Variants in NCKAP5L observed in about 807,000 individuals in gnomAD.
NCKAP5L encodes the protein NCK associated protein 5 like, also known as nck-associated protein 5-like.
NCKAP5L carries 54 observed loss-of-function variants against 103.2 expected under a neutral mutation model. That is an observed-to-expected ratio of 0.52 (90% CI 0.42 to 0.66). The LOEUF is 0.66. Among genes scored for constraint, NCKAP5L ranks in the 30% least tolerant of loss-of-function variants. The probability of loss-of-function intolerance (pLI) is 0.00; values close to 1 mark genes in which losing one functional copy is unlikely to be tolerated. For missense variants in NCKAP5L, 1,733 were observed against 1,750.6 expected (o/e 0.99, Z 0.18); for synonymous variants, 762 against 748.6 (o/e 1.02, Z -0.29).
chr12:49,806,425 A>G (rs1369847373), intron 1 of NCKAP5L, among the ~76,000 whole-genome samples: 1 of 152,258 alleles, frequency 6.6e-6, no homozygotes, highest in Non-Finnish European at 1.5e-5. Context: ...AACCACAACA[A>G]TGTTAAATGC....
intron 1 of NCKAP5L, among the ~76,000 whole-genome samples, chr12:49,823,942 C>T (rs1001962871): frequency 1.3e-5 from 2 of 152,212 alleles, no homozygotes; most frequent in African/African-American, 4.8e-5. Flanking sequence ...AGGATTTCCC[C>T]TCACAGAGAA....
Position 49,797,528 on chromosome 12 carries a change from G to A in NCKAP5L, c.466-134C>T. On this transcript the variant is annotated intron_variant, in intron 7 of 12. Coordinates refer to ENST00000335999, the MANE Select transcript of NCKAP5L (RefSeq NM_001037806.4). The surrounding 1 kb of genome is among the most constrained non-coding windows in gnomAD (Gnocchi z 4.5). The stretch of plus-strand genomic sequence containing the variant: ...CTGGTTGTGTCTGTGTCCCCAAAAG[G>A]AATTAACAGCAACTGGGATATGATG... 1.5e-6 allele frequency: 1 copy of A among 665,400 alleles called. No individual in the cohort carries two copies. The highest frequency in any genetic ancestry group is 2.5e-6 in the Non-Finnish European group (1 of 394,554). The allele number at this position is 665,400 out of a possible 1,614,324, so 41.2% of individuals were successfully genotyped here.
intron 1 of NCKAP5L, among the ~76,000 whole-genome samples, chr12:49,823,934 G>T (rs1222477703): frequency 6.6e-6 from 1 of 152,218 alleles, no homozygotes; most frequent in Non-Finnish European, 1.5e-5. Flanking sequence ...CAAGGAGAAG[G>T]ATTTCCCCTC....
intron 5 of NCKAP5L, chr12:49,802,257 CTT>C: frequency 1.9e-5 from 5 of 259,196 alleles, no homozygotes; most frequent in Admixed American, 5.2e-5. Flanking sequence ...CTCTTTTTTT[CTT>C]TTTTTTTTGA....
Position 49,796,937 on chromosome 12 carries a change from G to A in NCKAP5L, c.923C>T (p.Pro308Leu), listed in dbSNP as rs1946058630. 1 of 1,606,268 alleles carries A rather than the reference G, an allele frequency of 6.2e-7. No homozygotes were observed. The highest frequency in any genetic ancestry group is 1.3e-5 in the African/African-American group (1 of 74,818). ...SSSSSDEAGD[P>L]NEAPSPDTLL... ...GGTGTCGGGGCTGGGTGCCTCATTGGGGTCACCTGCCTCATCAGAAGAGGA... is the reference window on the plus strand; with the variant it reads ...GGTGTCGGGGCTGGGTGCCTCATTGAGGTCACCTGCCTCATCAGAAGAGGA... Residue 308 changes from proline to leucine, a missense_variant, in exon 8 of 13, where the codon CCC becomes CTC. Pro to Leu is a moderately conservative substitution (Grantham distance 98, BLOSUM62 -3). Coordinates refer to ENST00000335999, the MANE Select transcript of NCKAP5L (RefSeq NM_001037806.4).
chr12:49,792,364 T>C lies in NCKAP5L; in HGVS notation c.3792+82A>G. 1.9e-6 allele frequency: 3 copies of C among 1,572,296 alleles called. No homozygotes were observed. The highest frequency in any genetic ancestry group is 2.6e-6 in the Non-Finnish European group (3 of 1,159,282). On this transcript the variant is annotated intron_variant, in intron 12 of 12. Transcript: ENST00000335999. The surrounding 1 kb of genome is among the most constrained non-coding windows in gnomAD (Gnocchi z 4.5). ...CTGAGACTGTGCGACACACAGGCCG[T>C]ACCTTACTGGAGAAACTGGTCTCCC...
rs1263631386 is a variant in NCKAP5L, at chr12:49,791,792, A to G, written c.*47T>C. On this transcript the variant is annotated 3_prime_UTR_variant, in exon 13 of 13. Coordinates refer to ENST00000335999, the MANE Select transcript of NCKAP5L (RefSeq NM_001037806.4). Reference sequence around the variant, plus strand: ...GGCTGGGCATGAAGAGAGCCGGTCCAGTCTGTGGTCCCCAGCTCCAGCGGG... The same window carrying G: ...GGCTGGGCATGAAGAGAGCCGGTCCGGTCTGTGGTCCCCAGCTCCAGCGGG... 3 of 1,474,238 alleles carry G rather than the reference A, an allele frequency of 2.0e-6. No individual in the cohort carries two copies. The highest frequency in any genetic ancestry group is 2.8e-5 in the African/African-American group (2 of 71,380). The allele number at this position is 1,474,238 out of a possible 1,614,324, so 91.3% of individuals were successfully genotyped here.
Position 49,796,809 on chromosome 12 carries a change from T to C in NCKAP5L, c.1051A>G (p.Asn351Asp), listed in dbSNP as rs2137002059. ...TGCCCAGGACCTGGGTGGTCCCCAT[T>C]GAGTGGGCCTGCAGCCCCGGCCAGG... ...AFLAGAAGPL[N>D]GDHPGPGQSS... Residue 351 changes from asparagine to aspartate, a missense_variant, in exon 8 of 13, where the codon AAT (asparagine) becomes GAT (aspartate). By Grantham distance (23) the Asn-to-Asp change is conservative. Transcript: ENST00000335999. 6.2e-7 allele frequency: 1 copy of C among 1,613,478 alleles called. No individual in the cohort carries two copies. The highest frequency in any genetic ancestry group is 1.3e-5 in the African/African-American group (1 of 75,026).
chr12:49,809,914 G>A (rs1444444906), intron 1 of NCKAP5L, among the ~76,000 whole-genome samples: 2 of 151,990 alleles, frequency 1.3e-5, no homozygotes, highest in Admixed American at 6.6e-5. Context: ...CTTCTGAGAG[G>A]CATCTGTCTT....
At position 49,796,442 on chromosome 12, in the gene NCKAP5L, C is replaced by A. The variant is rs1457789596; in HGVS notation, c.1418G>T (p.Gly473Val). 1 of 1,540,974 alleles carries A rather than the reference C, an allele frequency of 6.5e-7. No homozygotes were observed. Among genetic ancestry groups the A allele is most frequent in the Admixed American group, 2.1e-5 (1 of 48,486 alleles). ...GGGGAGCTGGGGACTGAGCTGCGGG[C>A]CTCCTGGGCTGGGGCTCTTCTCCGA... is the stretch of plus-strand genomic sequence containing the variant. ...PTSEKSPSPG[G>V]PQLSPQLPRN... Residue 473 changes from glycine to valine, a missense_variant, in exon 8 of 13, where the codon GGC becomes GTC. By Grantham distance (109) the Gly-to-Val change is moderately radical (BLOSUM62 -3). Coordinates refer to ENST00000335999, the MANE Select transcript of NCKAP5L (RefSeq NM_001037806.4).
At chr12:49,809,693 GC>G (rs1327604351) in intron 1 of NCKAP5L, among the ~76,000 whole-genome samples, 3 of 152,140 alleles carry the variant, frequency 2.0e-5, no homozygotes, top group Non-Finnish European at 2.9e-5. Flanking sequence ...GCCAAGATCA[GC>G]CCTGGGCTGC....
rs368575890 is a variant in NCKAP5L, at chr12:49,792,689, G to T, written c.3638C>A (p.Thr1213Asn). The change falls in exon 11 of 13, where the codon ACC (threonine) becomes AAC (asparagine). Residue 1213 changes from threonine (T) to asparagine (N), a missense_variant. Physicochemically the swap from Thr to Asn is moderately conservative, Grantham distance 65. Coordinates refer to ENST00000335999, the MANE Select transcript of NCKAP5L (RefSeq NM_001037806.4). The surrounding 1 kb of genome is among the most constrained non-coding windows in gnomAD (Gnocchi z 4.5). ...ACCTGGACACTCACCATCAGGACAGGTCTCATGGCCCCGGTGGCCCGGAGC... is the reference window on the plus strand; with the variant it reads ...ACCTGGACACTCACCATCAGGACAGTTCTCATGGCCCCGGTGGCCCGGAGC... ...PAAPGHRGHETCPDDPCEDPG... is the reference protein window; with the variant it reads ...PAAPGHRGHENCPDDPCEDPG... 2.7e-5 allele frequency: 44 copies of T among 1,612,496 alleles called. 1 individual carries two copies. The highest frequency in any genetic ancestry group is 2.8e-5 in the Non-Finnish European group (33 of 1,179,506).
At chr12:49,802,257 CT>C (rs1225169958) in intron 5 of NCKAP5L, 1,472 of 256,848 alleles carry the variant, frequency 5.7e-3, no homozygotes, top group South Asian at 0.011. Flanking sequence ...CTCTTTTTTT[CT>C]TTTTTTTTTG....
At position 49,791,542 on chromosome 12, in the gene NCKAP5L, A is replaced by C; in HGVS notation, c.*297T>G. 1 of 281,502 alleles carries C rather than the reference A, an allele frequency of 3.6e-6. No individual in the cohort carries two copies. 17.4% of individuals were successfully genotyped at this position (281,502 alleles called of 1,614,324 possible). On this transcript the variant is annotated 3_prime_UTR_variant, in exon 13 of 13. Coordinates refer to ENST00000335999, the MANE Select transcript of NCKAP5L (RefSeq NM_001037806.4). ...ACCACAAGATGGCTCAGCCTGAAGT[A>C]GGGACTGGAGGGCTGCGACACAGTG...
At chr12:49,817,742 T>C (rs1946314590) in intron 1 of NCKAP5L, among the ~76,000 whole-genome samples, 1 of 152,126 alleles carries the variant, frequency 6.6e-6, no homozygotes, top group African/African-American at 2.4e-5. Context: ...TAGTAATTAG[T>C]GTTGAGAAAA....
intron 1 of NCKAP5L, among the ~76,000 whole-genome samples, chr12:49,817,350 C>T (rs1946310027): frequency 6.6e-6 from 1 of 152,084 alleles, no homozygotes; most frequent in South Asian, 2.1e-4. Flanking sequence ...CAAAGCAATA[C>T]ATCTCACAAA....
At chr12:49,800,256 A>C (rs777200329) in intron 6 of NCKAP5L, among the ~76,000 whole-genome samples, 5 of 152,158 alleles carry the variant, frequency 3.3e-5, no homozygotes, top group Non-Finnish European at 5.9e-5. Context: ...TCCTTCTCTG[A>C]TGGCCTCCCC....
In NCKAP5L at chr12:49,792,266, G is replaced by C; in HGVS notation, c.3792+180C>G. On this transcript the variant is annotated intron_variant, in intron 12 of 12. Transcript: ENST00000335999. This position sits in a 1 kb window ranked among gnomAD's most constrained non-coding sequence, Gnocchi z 4.5. Reference sequence around the variant, plus strand: ...GGGACAGAAACCTTTCCCCACGAGAGAAGTGCAAGGAGGGCAGTGGGGAGG... The same window carrying C: ...GGGACAGAAACCTTTCCCCACGAGACAAGTGCAAGGAGGGCAGTGGGGAGG... The C allele has an allele frequency of 2.3e-6, 3 of 1,284,394 alleles. No individual in the cohort carries two copies. The highest frequency in any genetic ancestry group is 1.8e-4 in the Middle Eastern group (1 of 5,482). 79.6% of individuals were successfully genotyped at this position (1,284,394 alleles called of 1,614,324 possible). A position where few individuals can be genotyped will look rare whatever the true frequency, so the allele number is the denominator to read the frequency against.
rs755203588 is a variant in NCKAP5L at position 49,795,384 on chromosome 12, C to A, written c.2476G>T (p.Val826Leu). Residue 826 changes from valine (V) to leucine (L), a missense_variant, in exon 8 of 13, where the codon GTG (valine) becomes TTG (leucine). By Grantham distance (32) the Val-to-Leu change is conservative. Coordinates refer to ENST00000335999, the MANE Select transcript of NCKAP5L (RefSeq NM_001037806.4). Reference protein sequence around the residue: ...TKLPSKSPTKVVPRPGAPLVT... With the variant: ...TKLPSKSPTKLVPRPGAPLVT... ...AGCGGAGCCCCAGGTCGAGGCACCACCTTGGTTGGTGACTTGGAAGGGAGC... is the reference window on the plus strand; with the variant it reads ...AGCGGAGCCCCAGGTCGAGGCACCAACTTGGTTGGTGACTTGGAAGGGAGC... 5.7e-6 allele frequency: 9 copies of A among 1,569,918 alleles called. No homozygotes were observed. The highest frequency in any genetic ancestry group is 3.9e-5 in the Admixed American group (2 of 50,936).
Sources: gnomAD v4.1 joint callset for allele counts (sites outside exome capture counted in the v4.1 genomes callset) on GRCh38, gnomAD v4.1.1 for gene constraint, Gnocchi (gnomAD v3.1) non-coding constraint, MANE v1.5 for transcripts, NCBI Gene and HGNC (gene_info 2026-07-23, HGNC 2026-07-21) for gene names.